Variants in RPS6KA3 observed in about 807,000 individuals in gnomAD.
RPS6KA3 encodes the protein ribosomal protein S6 kinase alpha-3.
In RPS6KA3, 4 loss-of-function variants were observed where a neutral mutation model predicts 67.2. The ratio of observed to expected loss-of-function variants is 0.06; its 90% CI spans 0.03 to 0.14. RPS6KA3 has a LOEUF of 0.14. Ranked by LOEUF, RPS6KA3 falls within the 10% of genes least tolerant of loss-of-function variation. The pLI is 1.00. For missense variants in RPS6KA3, 204 were observed against 559.0 expected, an observed-to-expected ratio of 0.36 and a Z score of 6.40; for synonymous variants, 182 against 183.7, an observed-to-expected ratio of 0.99 and a Z score of 0.07.
chrX:20,189,859 C>T (rs1398489057), intron 7 of RPS6KA3, among the ~76,000 whole-genome samples: 1 of 111,741 alleles, frequency 8.9e-6, no homozygotes, highest in Admixed American at 9.5e-5. Context: ...ATAATTACAA[C>T]AAAGTTTACC....
intron 10 of RPS6KA3, among the ~76,000 whole-genome samples, chrX:20,179,565 G>A (rs1195410410): frequency 9.0e-6 from 1 of 111,596 alleles, no homozygotes; most frequent in Non-Finnish European, 1.9e-5. Context: ...AGTTTATTAT[G>A]TAAAGTAAGA....
At chrX:20,156,087 G>C (rs944782749) in intron 21 of RPS6KA3, 22 bp downstream of exon 21, 1 of 1,207,102 alleles carries the variant, frequency 8.3e-7, no homozygotes, top group Non-Finnish European at 1.1e-6. Context: ...GTGGAAAACA[G>C]TGACTGTATG....
At chrX:20,175,349 T>C (rs1266172115) in intron 13 of RPS6KA3, 61 bp from the exon 14 acceptor site, 2 of 1,103,180 alleles carry the variant, frequency 1.8e-6, no homozygotes, top group Non-Finnish European at 2.5e-6. Flanking sequence ...GGAAAAACTG[T>C]TGACACTATG....
chrX:20,183,800 T>C (rs1283994272), intron 10 of RPS6KA3, among the ~76,000 whole-genome samples: 1 of 112,414 alleles, frequency 8.9e-6, no homozygotes, highest in African/African-American at 3.2e-5. Context: ...AGGATTTTAA[T>C]TTTATTTGCA....
chrX:20,244,806 GA>G (rs1429614695), intron 1 of RPS6KA3, among the ~76,000 whole-genome samples: 1 of 111,949 alleles, frequency 8.9e-6, no homozygotes, highest in Non-Finnish European at 1.9e-5. Context: ...CACATGTTCT[GA>G]AAGTATTTAT....
At chrX:20,236,923 G>A (rs1321500615) in intron 1 of RPS6KA3, among the ~76,000 whole-genome samples, 1 of 111,293 alleles carries the variant, frequency 9.0e-6, no homozygotes, top group East Asian at 2.8e-4. Context: ...TAACAACTGC[G>A]GCTCTGTCGT....
At chrX:20,195,350 C>A (rs746585766) in intron 4 of RPS6KA3, among the ~76,000 whole-genome samples, 1 of 111,646 alleles carries the variant, frequency 9.0e-6, no homozygotes, top group African/African-American at 3.2e-5. Flanking sequence ...TTTATAAAAT[C>A]CATGCTTTTA....
chrX:20,253,038 T>C (rs2069926814), intron 1 of RPS6KA3, among the ~76,000 whole-genome samples: 1 of 110,869 alleles, frequency 9.0e-6, no homozygotes, highest in Admixed American at 9.6e-5. Context: ...GACACCACCC[T>C]GGCAAGAGCA....
intron 10 of RPS6KA3, among the ~76,000 whole-genome samples, chrX:20,180,316 G>GT (rs2067812373): frequency 9.1e-6 from 1 of 110,490 alleles, no homozygotes; most frequent in Non-Finnish European, 1.9e-5. Flanking sequence ...GGACCACACG[G>GT]TATTAGCTGT....
rs113383724 is a variant in RPS6KA3 at position 20,193,155 on chromosome X, G to A, written c.593+332C>T. 7.2e-3 allele frequency among the ~76,000 whole-genome samples: 801 copies of A among 111,106 alleles called. 8 individuals carry two copies. The highest frequency in any genetic ancestry group is 0.024 in the African/African-American group (745 of 30,546). Reference sequence around the variant, plus strand: ...TAGCTGGGTGTGTTGGCAGGCGCCCGTAATCCCAGCTACTCGGGAGGCTAA... The same window carrying A: ...TAGCTGGGTGTGTTGGCAGGCGCCCATAATCCCAGCTACTCGGGAGGCTAA... On this transcript the variant is annotated intron_variant, in intron 7 of 21. Transcript: ENST00000379565.
In RPS6KA3 at chrX:20,151,120, T is replaced by A. The variant is rs751015310; in HGVS notation, c.*4278A>T. On this transcript the variant is annotated 3_prime_UTR_variant, in exon 22 of 22. Transcript: ENST00000379565. ...AAATCTTTGAGAACACTCAGTCACA[T>A]TGGAACCAGCTGCAAATCACTTGAT... The A allele has an allele frequency of 1.8e-5, 2 of 112,728 alleles. No individual in the cohort carries two copies. The highest frequency in any genetic ancestry group is 6.5e-5 in the African/African-American group (2 of 30,974). The allele number at this position is 112,728 out of a possible 1,213,427, so 9.3% of individuals were successfully genotyped here. A position where few individuals can be genotyped will look rare whatever the true frequency, so the allele number is the denominator to read the frequency against.
chrX:20,266,732 G>A lies in RPS6KA3; in HGVS notation c.-100C>T, dbSNP rs1209482307. The A allele has an allele frequency of 2.5e-5, 7 of 285,628 alleles. No homozygotes were observed. The highest frequency in any genetic ancestry group is 3.1e-4 in the Admixed American group (1 of 3,203). 23.5% of individuals were successfully genotyped at this position (285,628 alleles called of 1,213,427 possible). On this transcript the variant is annotated 5_prime_UTR_variant, in exon 1 of 22. Transcript: ENST00000379565. ...GCCCGAGCCCCACGGCAGCGGCGGC[G>A]GCGGCGGCGGCGGCGGCAGCGGCAG...
At position 20,243,480 on chromosome X, in the gene RPS6KA3, C is replaced by T. The variant is rs1007990234; in HGVS notation, c.70-8666G>A. On this transcript the variant is annotated intron_variant, in intron 1 of 21. Transcript: ENST00000379565. ...TCAAACCCAAATCTAATTCTAAAAC[C>T]CCTACTCTTTTGTTTTTTGTTTTGA... Among the ~76,000 whole-genome samples, 4 of 111,007 alleles carry T rather than the reference C, an allele frequency of 3.6e-5. No homozygotes were observed. In the East Asian group the frequency reaches 1.1e-3, roughly 31 times the overall value.
At chrX:20,195,326 G>C (rs1230819552) in intron 4 of RPS6KA3, among the ~76,000 whole-genome samples, 181 bp from the exon 5 acceptor site, 3 of 111,667 alleles carry the variant, frequency 2.7e-5, no homozygotes, top group Non-Finnish European at 5.6e-5. Context: ...CATAACCAAA[G>C]GAAGTTGCAT....
chrX:20,259,900 A>G (rs985712046), intron 1 of RPS6KA3, among the ~76,000 whole-genome samples: 1 of 111,286 alleles, frequency 9.0e-6, no homozygotes, highest in Non-Finnish European at 1.9e-5. Flanking sequence ...TTTTAACATC[A>G]TATCTCCAGA....
intron 17 of RPS6KA3, among the ~76,000 whole-genome samples, chrX:20,166,430 A>C (rs1038761212): frequency 2.7e-5 from 3 of 111,444 alleles, no homozygotes; most frequent in African/African-American, 9.8e-5. Context: ...GATAAGTTAG[A>C]AGTCAGGAAG....
At chrX:20,167,950 C>T (rs764837887) in intron 16 of RPS6KA3, among the ~76,000 whole-genome samples, 2 of 112,361 alleles carry the variant, frequency 1.8e-5, no homozygotes, top group East Asian at 5.6e-4. Flanking sequence ...TGGGCTCCAG[C>T]GATCCTCCCA....
Position 20,266,580 on chromosome X carries a change from G to A in RPS6KA3, c.53C>T (p.Pro18Leu), listed in dbSNP as rs1391562214. 2 of 1,153,111 alleles carry A rather than the reference G, an allele frequency of 1.7e-6. No individual in the cohort carries two copies. Among genetic ancestry groups the A allele is most frequent in the South Asian group, 1.9e-5 (1 of 52,506 alleles). The change falls in exon 1 of 22, where the codon CCG (proline) becomes CTG (leucine). Residue 18 changes from proline to leucine, a missense_variant. Pro to Leu is a moderately conservative substitution (Grantham distance 98). Coordinates refer to ENST00000379565, the MANE Select transcript of RPS6KA3 (RefSeq NM_004586.3). ...TGCACTCACCTCAGCGCTGTCGGAC[G>A]GGCTCTCCACAGCCATCTTCTGCCA... The part of the protein sequence containing the change: ...DPWQKMAVES[P>L]SDSAENGQQI...
At chrX:20,176,109 G>A (rs762628891) in intron 13 of RPS6KA3, 141 bp downstream of exon 13, 32 of 481,310 alleles carry the variant, frequency 6.6e-5, no homozygotes, top group African/African-American at 5.8e-4. Context: ...GGCCTCAAGC[G>A]ATCTGCTCGC....
Sources: allele counts gnomAD v4.1 joint callset (sites outside exome capture counted in the v4.1 genomes callset), GRCh38; gene constraint gnomAD v4.1.1; transcripts MANE v1.5; gene names NCBI Gene and HGNC (gene_info 2026-07-23, HGNC 2026-07-21).